The following PPARGC1A variants were observed in gnomAD, a reference collection of about 807,000 sequenced individuals.
The protein encoded by PPARGC1A is PPARG coactivator 1 alpha, also known as peroxisome proliferator-activated receptor gamma coactivator 1-alpha.
In PPARGC1A, 25 loss-of-function variants were observed where a neutral mutation model predicts 88.7. The observed-to-expected ratio is 0.28, with a 90% CI of 0.21 to 0.39. The LOEUF is 0.39. Among genes scored for constraint, PPARGC1A ranks in the 10% least tolerant of loss-of-function variants. PPARGC1A has a pLI of 1.00. For synonymous variants in PPARGC1A, 363 were observed against 355.6 expected, an observed-to-expected ratio of 1.02 and a Z score of -0.24; for missense variants, 880 against 968.7, an observed-to-expected ratio of 0.91 and a Z score of 1.22.
the PPARGC1A span, among the ~76,000 whole-genome samples, chr4:24,047,121 T>C: frequency 6.6e-6 from 1 of 152,220 alleles, no homozygotes; most frequent in Admixed American, 6.5e-5. Flanking sequence ...TCTTGTACCA[T>C]TTTTTGACTC....
chr4:24,239,046 A>G, the PPARGC1A span, among the ~76,000 whole-genome samples: 4 of 152,202 alleles, frequency 2.6e-5, no homozygotes, highest in Admixed American at 2.6e-4. Context: ...TAGCATTTTT[A>G]GACACAACTA....
At chr4:24,354,427 T>C in the PPARGC1A span, among the ~76,000 whole-genome samples, 3 of 152,206 alleles carry the variant, frequency 2.0e-5, no homozygotes, top group African/African-American at 7.2e-5. Context: ...TTGCTGAACA[T>C]TAACAATTCA....
At chr4:24,179,127 G>C in the PPARGC1A span, among the ~76,000 whole-genome samples, 1 of 152,050 alleles carries the variant, frequency 6.6e-6, no homozygotes, top group African/African-American at 2.4e-5. Flanking sequence ...TCTGTGACTG[G>C]TCTGATTTAC....
chr4:23,980,972 T>C, the PPARGC1A span, among the ~76,000 whole-genome samples: 1 of 152,138 alleles, frequency 6.6e-6, no homozygotes, highest in Non-Finnish European at 1.5e-5. Context: ...GCTAGCCTTA[T>C]GGCCCCACCT....
the PPARGC1A span, among the ~76,000 whole-genome samples, chr4:24,340,026 C>G: frequency 6.6e-6 from 1 of 152,050 alleles, no homozygotes; most frequent in Admixed American, 6.6e-5. Context: ...CGTGAGCCAC[C>G]GTGCCCGGCC....
the PPARGC1A span, among the ~76,000 whole-genome samples, chr4:24,325,120 GCT>G: frequency 1.3e-5 from 2 of 152,074 alleles, no homozygotes; most frequent in African/African-American, 2.4e-5. Context: ...TAGCGTTTAG[GCT>G]CTTTTTCATC....
chr4:24,179,958 T>C, the PPARGC1A span, among the ~76,000 whole-genome samples: 2 of 152,174 alleles, frequency 1.3e-5, no homozygotes, highest in African/African-American at 4.8e-5. Context: ...GTTTGTGTTT[T>C]ATTCATAGAT....
the PPARGC1A span, among the ~76,000 whole-genome samples, chr4:23,947,258 C>T: frequency 4.7e-3 from 713 of 150,866 alleles, 6 homozygotes; most frequent in African/African-American, 0.016. Context: ...TACTGTGTGC[C>T]AAGCACTATA....
intron 2 of PPARGC1A, among the ~76,000 whole-genome samples, chr4:23,848,609 T>C (rs1170587807): frequency 1.3e-5 from 2 of 152,194 alleles, no homozygotes; most frequent in Non-Finnish European, 2.9e-5. Flanking sequence ...AATAATTCAG[T>C]GCCATTTCAG....
At chr4:24,122,077 A>G in the PPARGC1A span, among the ~76,000 whole-genome samples, 2 of 152,138 alleles carry the variant, frequency 1.3e-5, no homozygotes, top group Non-Finnish European at 2.9e-5. Context: ...GGGGAAGTGG[A>G]CAGCAAAGGG....
the PPARGC1A span, among the ~76,000 whole-genome samples, chr4:24,170,969 C>T: frequency 3.9e-5 from 6 of 152,168 alleles, no homozygotes; most frequent in African/African-American, 9.7e-5. Flanking sequence ...GTGTGTGTCA[C>T]GCATGCTCCT....
the PPARGC1A span, among the ~76,000 whole-genome samples, chr4:23,935,078 G>C: frequency 2.0e-5 from 3 of 152,138 alleles, no homozygotes; most frequent in East Asian, 5.8e-4. Flanking sequence ...CACATTCTCT[G>C]CTCCACAGGC....
chr4:24,301,028 T>G, the PPARGC1A span, among the ~76,000 whole-genome samples: 21 of 152,062 alleles, frequency 1.4e-4, no homozygotes, highest in African/African-American at 4.8e-4. Context: ...GTATTTCTGG[T>G]CTTTATTCAT....
the PPARGC1A span, among the ~76,000 whole-genome samples, chr4:24,341,121 C>T: frequency 6.6e-6 from 1 of 151,762 alleles, no homozygotes; most frequent in African/African-American, 2.4e-5. Context: ...AAAGCTAATC[C>T]TACGGGAAGG....
intron 7 of PPARGC1A, among the ~76,000 whole-genome samples, chr4:23,822,532 G>A (rs1055952894): frequency 3.3e-5 from 5 of 151,986 alleles, no homozygotes; most frequent in African/African-American, 1.2e-4. Flanking sequence ...CTATGCTGCA[G>A]TGTTTTCCCT....
intron 2 of PPARGC1A, among the ~76,000 whole-genome samples, chr4:23,855,281 T>C (rs1277350854): frequency 6.6e-6 from 1 of 152,188 alleles, no homozygotes; most frequent in African/African-American, 2.4e-5. Flanking sequence ...ACTGGACTAA[T>C]ATACCCATGC....
At chr4:24,004,184 C>T in the PPARGC1A span, among the ~76,000 whole-genome samples, 3 of 152,100 alleles carry the variant, frequency 2.0e-5, no homozygotes, top group African/African-American at 7.2e-5. Flanking sequence ...AGCCCAAACT[C>T]GAACACAGGC....
the PPARGC1A span, among the ~76,000 whole-genome samples, chr4:24,399,195 G>C: frequency 5.1e-3 from 774 of 152,122 alleles, 18 homozygotes; most frequent in African/African-American, 0.018. Flanking sequence ...TCTGTTTTTA[G>C]TCCCTGGAAA....
At chr4:24,439,186 T>A in the PPARGC1A span, among the ~76,000 whole-genome samples, 1 of 152,138 alleles carries the variant, frequency 6.6e-6, no homozygotes, top group South Asian at 2.1e-4. Flanking sequence ...TTCTTCTCCA[T>A]CCTTCTCCTT....
Sources: gnomAD v4.1 joint callset for allele counts (sites outside exome capture counted in the v4.1 genomes callset) on GRCh38, gnomAD v4.1.1 for gene constraint, MANE v1.5 for transcripts, NCBI Gene and HGNC (gene_info 2026-07-23, HGNC 2026-07-21) for gene names.